The following CYP4F11 variants were observed in gnomAD, a reference collection of about 807,000 sequenced individuals.
The protein encoded by CYP4F11 is cytochrome P450 4F11.
Under a neutral mutation model 62.2 loss-of-function variants are expected in CYP4F11, and 79 were observed. The observed-to-expected ratio is 1.27, with a 90% CI of 1.06 to 1.53. CYP4F11 has a LOEUF of 1.53. Among genes scored for constraint, CYP4F11 ranks in the 40% most tolerant of loss-of-function variants. The pLI, the probability that CYP4F11 is intolerant of heterozygous loss-of-function variation, is 0.00. For synonymous variants in CYP4F11, 290 were observed against 263.7 expected, an observed-to-expected ratio of 1.10 and a Z score of -0.97; for missense variants, 777 against 680.5, an observed-to-expected ratio of 1.14 and a Z score of -1.58.
rs111219971 is a variant in CYP4F11, at chr19:15,932,245, G to C, written c.198+1966C>G. On this transcript the variant is annotated intron_variant, in intron 1 of 11. Transcript: ENST00000402119. ...GCGAGGAGAGGAATGAGTGAGCGGG[G>C]AGAGGAATGAGTGAGTGGGGAGAGG... 8.1e-4 allele frequency among the ~76,000 whole-genome samples: 17 copies of C among 21,050 alleles called. No homozygotes were observed. In the East Asian group the frequency reaches 0.01, roughly 13 times the overall value. The allele number at this position is 21,050 out of a possible 152,430, so 13.8% of individuals were successfully genotyped here. A position where few individuals can be genotyped will look rare whatever the true frequency, so the allele number is the denominator to read the frequency against.
chr19:15,924,779 A>T lies in CYP4F11; in HGVS notation c.629T>A (p.Phe210Tyr), dbSNP rs150024890. 1.9e-6 allele frequency: 3 copies of T among 1,611,870 alleles called. No homozygotes were observed. In the African/African-American group the frequency reaches 4.0e-5, roughly 22 times the overall value. The stretch of plus-strand genomic sequence containing the variant: ...GACTCACTCCTGACAATTGCTTTCA[A>T]AGCTGAAGACACATTTCTGCAGACT... ...LDSLQKCVFS[F>Y]ESNCQEKPSE... is the part of the protein sequence containing the mutation. Residue 210 changes from phenylalanine to tyrosine, a missense_variant, in exon 5 of 12, where the codon TTT becomes TAT. Coordinates refer to ENST00000402119, the MANE Select transcript of CYP4F11 (RefSeq NM_021187.4).
chr19:15,924,696 A>G (rs2089655485), intron 5 of CYP4F11, 65 bp downstream of exon 5: 3 of 1,577,694 alleles, frequency 1.9e-6, no homozygotes, highest in South Asian at 1.1e-5. Flanking sequence ...CCGGTCAGCC[A>G]TCCTTTTCCA....
At chr19:15,922,008 A>G (rs777197920) in intron 8 of CYP4F11, 29 bp downstream of exon 8, 2 of 1,543,516 alleles carry the variant, frequency 1.3e-6, no homozygotes, top group African/African-American at 2.8e-5. Context: ...ATGACAAAAG[A>G]TCAGGAACAG....
Position 15,913,566 on chromosome 19 carries a change from G to A in CYP4F11, c.*166C>T, listed in dbSNP as rs546402755. On this transcript the variant is annotated 3_prime_UTR_variant, in exon 12 of 12. Coordinates refer to ENST00000402119, the MANE Select transcript of CYP4F11 (RefSeq NM_021187.4). ...TGTGCTCAGCCAGAGAGGCCGTCAG[G>A]GTTTTGGGTTCAGAGACGTCACCCT... is the stretch of plus-strand genomic sequence containing the variant. 102 of 815,870 alleles carry A rather than the reference G, an allele frequency of 1.3e-4. 1 individual carries two copies. In the African/African-American group the frequency reaches 1.3e-3, roughly 10 times the overall value. 50.5% of individuals were successfully genotyped at this position (815,870 alleles called of 1,614,324 possible). A position where few individuals can be genotyped will look rare whatever the true frequency, so the allele number is the denominator to read the frequency against.
chr19:15,927,000 C>T (rs186426727), intron 4 of CYP4F11, among the ~76,000 whole-genome samples: 1 of 152,220 alleles, frequency 6.6e-6, no homozygotes, highest in South Asian at 2.1e-4. Context: ...AGCATGGAAA[C>T]TCACACCTTT....
At chr19:15,924,737 C>A (rs1413258761) in intron 5 of CYP4F11, 24 bp downstream of exon 5, 1 of 1,603,610 alleles carries the variant, frequency 6.2e-7, no homozygotes. Flanking sequence ...GGCCCAAGTT[C>A]TCAGGTCCTA....
chr19:15,921,054 G>GTCTCTCTCTCTCTCTCTCTCTCTC (rs60842401), intron 8 of CYP4F11, among the ~76,000 whole-genome samples: 7 of 122,476 alleles, frequency 5.7e-5, no homozygotes, highest in Admixed American at 8.2e-5. Context: ...CTCTCTTTCT[G>GTCTCTCTCTCTCTCTCTCTCTCTC]TCTCTCTCTC....
At position 15,917,353 on chromosome 19, in the gene CYP4F11, C is replaced by A. The variant is rs537332884; in HGVS notation, c.1116-2458G>T. Among the ~76,000 whole-genome samples the A allele has an allele frequency of 2.6e-5, 4 of 152,144 alleles. No homozygotes were observed. In the East Asian group the frequency reaches 7.7e-4, roughly 29 times the overall value. On this transcript the variant is annotated intron_variant, in intron 8 of 11. Coordinates refer to ENST00000402119, the MANE Select transcript of CYP4F11 (RefSeq NM_021187.4). ...CTGTTTAGGAGACAGGTGCACTCAT[C>A]CATGTAACCAAAAACCACCTGTACC...
upstream of CYP4F11, chr19:15,934,626 A>C: frequency 1.9e-6 from 1 of 536,256 alleles, no homozygotes; most frequent in Non-Finnish European, 3.2e-6. Flanking sequence ...GGAAAGAGAG[A>C]GAGAGGCTGA....
chr19:15,921,072 CTCTCTCTCTCTCTCTCTCTCTCTCTCT>C (rs2089624093), intron 8 of CYP4F11, among the ~76,000 whole-genome samples: 3 of 9,064 alleles, frequency 3.3e-4, no homozygotes, highest in African/African-American at 8.9e-4. Context: ...CTCTCTCTCT[CTCTCTCTCTCTCTCTCTCTCTCTCTCT>C]CTCTCCCTCT....
At chr19:15,927,669 G>A (rs889010881) in intron 2 of CYP4F11, 186 bp from the exon 3 acceptor site, 16 of 689,384 alleles carry the variant, frequency 2.3e-5, no homozygotes, top group Admixed American at 1.4e-4. Flanking sequence ...AGGCTGCAGC[G>A]ACAGAGTAGA....
At chr19:15,927,651 AC>A in intron 2 of CYP4F11, 168 bp from the exon 3 acceptor site, 1 of 831,708 alleles carries the variant, frequency 1.2e-6, no homozygotes, top group Non-Finnish European at 1.9e-6. Context: ...GGAAGGAGAG[AC>A]CAGACCAGGC....
At chr19:15,922,006 AG>A in intron 8 of CYP4F11, 30 bp downstream of exon 8, 4 of 1,536,936 alleles carry the variant, frequency 2.6e-6, no homozygotes, top group Non-Finnish European at 3.5e-6. Flanking sequence ...CAATGACAAA[AG>A]ATCAGGAACA....
intron 1 of CYP4F11, among the ~76,000 whole-genome samples, chr19:15,932,423 AGGAGAGGAATGAGTGAGCGG>A (rs2089735117): frequency 1.7e-4 from 1 of 6,028 alleles, no homozygotes; most frequent in Non-Finnish European, 3.0e-4. Context: ...TGAGTGAGCG[AGGAGAGGAATGAGTGAGCGG>A]GGAGAGGAAT....
At chr19:15,934,603 G>A (rs1008786402), upstream of CYP4F11, 2 of 607,228 alleles carry the variant, frequency 3.3e-6, no homozygotes, top group Non-Finnish European at 5.4e-6. Context: ...GTGGCCTCCA[G>A]TTACACAGAA....
rs911618248 is a variant in CYP4F11, at chr19:15,934,327, A to G, written c.82T>C (p.Ser28Pro). 1 of 1,613,064 alleles carries G rather than the reference A, an allele frequency of 6.2e-7. No homozygotes were observed. The highest frequency in any genetic ancestry group is 1.3e-5 in the African/African-American group (1 of 74,816). Residue 28 changes from serine (S) to proline (P), a missense_variant, in exon 1 of 12, where the codon TCC (serine) becomes CCC (proline). Coordinates refer to ENST00000402119, the MANE Select transcript of CYP4F11 (RefSeq NM_021187.4). ...PWLLLLLVGG[S>P]WLLARVLAWT... ...GCCAGGACGCGGGCCAGGAGCCAGG[A>G]GCCTCCAACCAGCAGCAGAAGCAGC...
At position 15,914,275 on chromosome 19, in the gene CYP4F11, A is replaced by G. The variant is rs186811340; in HGVS notation, c.1397+30T>C. On this transcript the variant is annotated intron_variant, in intron 11 of 11. Transcript: ENST00000402119. ...TTTGGACCCCTGCACCCATCATGCC[A>G]TCTCTGCCTCAGACACAGGCCATCC... The G allele has an allele frequency of 7.1e-4, 1,139 of 1,608,990 alleles. 1 individual carries two copies. The highest frequency in any genetic ancestry group is 9.2e-4 in the Admixed American group (55 of 59,558).
intron 4 of CYP4F11, among the ~76,000 whole-genome samples, chr19:15,926,543 T>C (rs2089670087): frequency 6.6e-6 from 1 of 152,242 alleles, no homozygotes; most frequent in Non-Finnish European, 1.5e-5. Flanking sequence ...CCTTTGAGTC[T>C]GTGCTAACCT....
rs540707394 is a variant in CYP4F11 at position 15,934,204 on chromosome 19, A to G, written c.198+7T>C. On this transcript the variant is annotated splice_region_variant and intron_variant, in intron 1 of 11. Coordinates refer to ENST00000402119, the MANE Select transcript of CYP4F11 (RefSeq NM_021187.4). ...AGACCCCAGACCCGTCCTGCTGACAAACTCACCAGGCCCTGGTGTCCCCAA... is the reference window on the plus strand; with the variant it reads ...AGACCCCAGACCCGTCCTGCTGACAGACTCACCAGGCCCTGGTGTCCCCAA... The G allele has an allele frequency of 1.7e-5, 28 of 1,612,946 alleles. No individual in the cohort carries two copies. The South Asian group carries it at 3.1e-4, about 18-fold the overall frequency.
Sources: gnomAD v4.1 joint callset for allele counts (sites outside exome capture counted in the v4.1 genomes callset) on GRCh38, gnomAD v4.1.1 for gene constraint, MANE v1.5 for transcripts, NCBI Gene and HGNC (gene_info 2026-07-23, HGNC 2026-07-21) for gene names.